Variants in EXD3 observed in about 807,000 individuals in gnomAD.
The protein encoded by EXD3 is exonuclease mut-7 homolog.
In EXD3, 92 loss-of-function variants were observed where a neutral mutation model predicts 98.0. The observed-to-expected ratio is 0.94, with a 90% CI of 0.79 to 1.12. EXD3 has a LOEUF of 1.12. Ranked by LOEUF, EXD3 falls within the 50% of genes most tolerant of loss-of-function variation. The probability of loss-of-function intolerance (pLI) is 0.00; values close to 1 mark genes in which losing one functional copy is unlikely to be tolerated. For synonymous variants in EXD3, 569 were observed against 526.0 expected, an observed-to-expected ratio of 1.08 and a Z score of -1.12; for missense variants, 1,222 against 1,191.6, an observed-to-expected ratio of 1.03 and a Z score of -0.38.
chr9:137,316,318 C>T (rs533011940), intron 19 of EXD3, among the ~76,000 whole-genome samples: 134 of 151,986 alleles, frequency 8.8e-4, no homozygotes, highest in Admixed American at 2.9e-3. Flanking sequence ...GGCCTTCGCG[C>T]GCCGGCCTGG....
intron 17 of EXD3, among the ~76,000 whole-genome samples, chr9:137,339,523 A>G (rs1833543443): frequency 6.6e-6 from 1 of 151,260 alleles, no homozygotes; most frequent in Non-Finnish European, 1.5e-5. Flanking sequence ...AAAAAATCAC[A>G]GACCAAAGTC....
intron 13 of EXD3, 61 bp downstream of exon 13, chr9:137,351,257 A>C (rs1834285422): frequency 1.3e-6 from 2 of 1,554,366 alleles, no homozygotes; most frequent in Non-Finnish European, 1.7e-6. Flanking sequence ...GGGAAGGGTC[A>C]GGCAGGGGTG....
At chr9:137,392,902 A>C in intron 2 of EXD3, 2 of 380,178 alleles carry the variant, frequency 5.3e-6, no homozygotes. Flanking sequence ...AGCGGGCACC[A>C]TGTCTGTTCT....
chr9:137,329,942 A>ACACAGGAC (rs1832900504), intron 17 of EXD3, among the ~76,000 whole-genome samples: 2 of 2,582 alleles, frequency 7.7e-4, no homozygotes, highest in Admixed American at 4.0e-3. Context: ...ACACAGGACT[A>ACACAGGAC]TGCAGGACCA....
At chr9:137,332,674 T>G (rs1366734047) in intron 17 of EXD3, among the ~76,000 whole-genome samples, 1 of 150,572 alleles carries the variant, frequency 6.6e-6, no homozygotes, top group African/African-American at 2.5e-5. Context: ...AAACCCCGTC[T>G]CTACTAAAAA....
chr9:137,368,028 G>C, intron 5 of EXD3, 39 bp from the exon 6 acceptor site: 1 of 1,578,144 alleles, frequency 6.3e-7, no homozygotes, highest in Non-Finnish European at 8.6e-7. Flanking sequence ...CAGGGCCTGG[G>C]AGGGGCCAGG....
rs557518445 is a variant in EXD3 at position 137,355,254 on chromosome 9, A to G, written c.758-481T>C. 2.4e-4 allele frequency among the ~76,000 whole-genome samples: 36 copies of G among 152,174 alleles called. 1 individual carries two copies. The South Asian group carries it at 7.5e-3, about 32-fold the overall frequency. On this transcript the variant is annotated intron_variant, in intron 8 of 21. Transcript: ENST00000340951. ...TCCAGAGCCTGAGGGGGCCCCGGGG[A>G]GGGCACCACAGTCTGGCTGAGCCCT...
rs865969248 is a variant in EXD3, at chr9:137,307,243, G to A, written c.2338C>T (p.Pro780Ser). The A allele has an allele frequency of 1.9e-6, 3 of 1,551,310 alleles. No individual in the cohort carries two copies. Among genetic ancestry groups the A allele is most frequent in the Middle Eastern group, 3.7e-4 (2 of 5,470 alleles). ...GGGCGGTCATAGGTGCAGCCCTCAG[G>A]GGCTGCGTCTGGGGCTGGGCCTGGA... is the stretch of plus-strand genomic sequence containing the variant. ...QEPGPAPDAAPEGCTYDRPCR... is the reference protein window; with the variant it reads ...QEPGPAPDAASEGCTYDRPCR... The change falls in exon 22 of 22, where the codon CCT (proline) becomes TCT (serine). Residue 780 changes from proline to serine, a missense_variant. Pro to Ser is a moderately conservative substitution (Grantham distance 74). Coordinates refer to ENST00000340951, the MANE Select transcript of EXD3 (RefSeq NM_017820.5).
At position 137,373,605 on chromosome 9, in the gene EXD3, G is replaced by A; in HGVS notation, c.121-6C>T. The stretch of plus-strand genomic sequence containing the variant: ...CGCCAGGCTTCCTCCCGGAGCTGTG[G>A]AGACACAAAACCACACTGGCACTTT... On this transcript the variant is annotated splice_polypyrimidine_tract_variant and splice_region_variant and intron_variant, in intron 3 of 21. Coordinates refer to ENST00000340951, the MANE Select transcript of EXD3 (RefSeq NM_017820.5). 1 of 1,595,328 alleles carries A rather than the reference G, an allele frequency of 6.3e-7. No homozygotes were observed. Among genetic ancestry groups the A allele is most frequent in the Non-Finnish European group, 8.5e-7 (1 of 1,171,288 alleles).
chr9:137,366,687 A>C, intron 6 of EXD3, 55 bp from the exon 7 acceptor site: 1 of 1,522,512 alleles, frequency 6.6e-7, no homozygotes, highest in South Asian at 1.2e-5. Context: ...CCAAAACCTG[A>C]CTCACCTCCA....
chr9:137,372,869 C>A, intron 5 of EXD3, 36 bp downstream of exon 5: 1 of 1,593,426 alleles, frequency 6.3e-7, no homozygotes, highest in South Asian at 1.1e-5. Context: ...CCCGAGAAGC[C>A]GTTTCCCCAT....
intron 17 of EXD3, among the ~76,000 whole-genome samples, chr9:137,330,415 C>T (rs1332952620): frequency 1.6e-5 from 2 of 124,774 alleles, no homozygotes; most frequent in African/African-American, 3.2e-5. Flanking sequence ...CTCCACAGGA[C>T]TACACAGGAG....
Position 137,331,940 on chromosome 9 carries a change from A to T in EXD3, c.1999-7797T>A, listed in dbSNP as rs979125430. Among the ~76,000 whole-genome samples the T allele has an allele frequency of 5.3e-5, 8 of 152,122 alleles. No homozygotes were observed. In the East Asian group the frequency reaches 7.7e-4, roughly 15 times the overall value. Reference sequence around the variant, plus strand: ...CAAAAAATAAAAATAAATAAATAAAAAAGTGAAAAAAGAACTCAATCCTTT... The same window carrying T: ...CAAAAAATAAAAATAAATAAATAAATAAGTGAAAAAAGAACTCAATCCTTT... On this transcript the variant is annotated intron_variant, in intron 17 of 21. Coordinates refer to ENST00000340951, the MANE Select transcript of EXD3 (RefSeq NM_017820.5).
chr9:137,327,324 AG>A (rs1832472920), intron 17 of EXD3, among the ~76,000 whole-genome samples: 1 of 152,056 alleles, frequency 6.6e-6, no homozygotes, highest in Non-Finnish European at 1.5e-5. Flanking sequence ...TAATAGAGAC[AG>A]GGTTTCACTA....
intron 7 of EXD3, among the ~76,000 whole-genome samples, chr9:137,364,770 G>GCTT (rs530653079): frequency 1.5e-5 from 2 of 132,124 alleles, no homozygotes; most frequent in South Asian, 4.8e-4. Flanking sequence ...TTTGTTCTAT[G>GCTT]TTTTTTTTTT....
chr9:137,356,482 T>A, intron 7 of EXD3, 114 bp from the exon 8 acceptor site: 1 of 735,906 alleles, frequency 1.4e-6, no homozygotes, highest in Non-Finnish European at 2.3e-6. Context: ...GTGAGGTTTA[T>A]AAGAAAATGC....
In EXD3 at chr9:137,393,377, A is replaced by G. The variant is rs963900088; in HGVS notation, c.55+1926T>C. On this transcript the variant is annotated intron_variant, in intron 2 of 21. Coordinates refer to ENST00000340951, the MANE Select transcript of EXD3 (RefSeq NM_017820.5). This position sits in a 1 kb window ranked among gnomAD's most constrained non-coding sequence, Gnocchi z 4.6. Reference sequence around the variant, plus strand: ...CGGGGCCCGCAGATGGCCTCAGAGGAGGCGGTGGATGAACGGAAGGGTGAG... The same window carrying G: ...CGGGGCCCGCAGATGGCCTCAGAGGGGGCGGTGGATGAACGGAAGGGTGAG... 4.7e-6 allele frequency: 3 copies of G among 642,854 alleles called. No individual in the cohort carries two copies. Among genetic ancestry groups the G allele is most frequent in the Admixed American group, 2.3e-5 (1 of 43,658 alleles). The allele number at this position is 642,854 out of a possible 1,614,324, so 39.8% of individuals were successfully genotyped here.
At position 137,393,085 on chromosome 9, in the gene EXD3, C is replaced by T. The variant is rs750950797; in HGVS notation, c.55+2218G>A. 5.4e-5 allele frequency: 34 copies of T among 624,048 alleles called. No homozygotes were observed. Among genetic ancestry groups the T allele is most frequent in the South Asian group, 3.8e-4 (25 of 65,130 alleles). 38.7% of individuals were successfully genotyped at this position (624,048 alleles called of 1,614,324 possible). On this transcript the variant is annotated intron_variant, in intron 2 of 21. Transcript: ENST00000340951. The surrounding 1 kb of genome is among the most constrained non-coding windows in gnomAD (Gnocchi z 4.6). ...TTCCAGGGGGCACCGAGGCTGTTCT[C>T]GGTGGGGGTGCCGTGTCTGTTCCAG...
chr9:137,334,244 C>T (rs1034157869), intron 17 of EXD3, among the ~76,000 whole-genome samples: 13 of 152,134 alleles, frequency 8.5e-5, no homozygotes, highest in South Asian at 4.1e-4. Context: ...TCAGGTAATC[C>T]GCCCACCTCT....
Sources: allele counts gnomAD v4.1 joint callset (sites outside exome capture counted in the v4.1 genomes callset), GRCh38; gene constraint gnomAD v4.1.1; non-coding constraint Gnocchi (gnomAD v3.1); transcripts MANE v1.5; gene names NCBI Gene and HGNC (gene_info 2026-07-23, HGNC 2026-07-21).